The following GRM1 variants were observed in gnomAD, a reference collection of about 807,000 sequenced individuals.
The protein encoded by GRM1 is glutamate metabotropic receptor 1.
Under a neutral mutation model 90.9 loss-of-function variants are expected in GRM1, and 33 were observed. The ratio of observed to expected loss-of-function variants is 0.36; its 90% CI spans 0.28 to 0.49. GRM1 has a LOEUF of 0.49. Ranked by LOEUF, GRM1 falls within the 20% of genes least tolerant of loss-of-function variation. GRM1 has a pLI of 0.99. For missense variants in GRM1, 1,190 were observed against 1,534.3 expected (o/e 0.78, Z 3.75); for synonymous variants, 700 against 613.2 (o/e 1.14, Z -2.09).
chr6:146,402,130 G>A (rs556405822), intron 7 of GRM1, among the ~76,000 whole-genome samples: 1 of 152,304 alleles, frequency 6.6e-6, no homozygotes, highest in South Asian at 2.1e-4. Flanking sequence ...TCAGTAAACT[G>A]TTGAACTATT....
chr6:146,432,212 A>C (rs1425476603), intron 7 of GRM1, among the ~76,000 whole-genome samples: 1 of 152,262 alleles, frequency 6.6e-6, no homozygotes, highest in African/African-American at 2.4e-5. Context: ...ACAATTAAAA[A>C]TGCAGTGTAG....
chr6:146,407,371 T>C (rs562944794), intron 7 of GRM1, among the ~76,000 whole-genome samples: 1 of 152,332 alleles, frequency 6.6e-6, no homozygotes, highest in East Asian at 1.9e-4. Context: ...AAATAGCTAC[T>C]TTTAATACTT....
intron 1 of GRM1, among the ~76,000 whole-genome samples, chr6:146,069,331 TATTAC>T (rs529464438): frequency 2.0e-3 from 304 of 152,278 alleles, no homozygotes; most frequent in African/African-American, 6.0e-3. Flanking sequence ...GCAATGCTCA[TATTAC>T]ATTACATTAC....
intron 3 of GRM1, among the ~76,000 whole-genome samples, chr6:146,321,592 G>A (rs563008876): frequency 6.6e-6 from 1 of 151,976 alleles, no homozygotes; most frequent in East Asian, 1.9e-4. Flanking sequence ...CTATTATTAT[G>A]TGGGAGTCTA....
chr6:146,436,942 A>T lies in GRM1; in HGVS notation c.*2146A>T, dbSNP rs1778612279. The T allele has an allele frequency of 6.6e-6, 1 of 152,608 alleles. No individual in the cohort carries two copies. The highest frequency in any genetic ancestry group is 2.1e-4 in the South Asian group (1 of 4,824). The allele number at this position is 152,608 out of a possible 1,614,324, so 9.5% of individuals were successfully genotyped here. ...TTATATTTCATCATATTCTATTGCCAAGTTTAGTCAGTTCCACACCAAGAA... is the reference window on the plus strand; with the variant it reads ...TTATATTTCATCATATTCTATTGCCTAGTTTAGTCAGTTCCACACCAAGAA... On this transcript the variant is annotated 3_prime_UTR_variant, in exon 8 of 8. Transcript: ENST00000282753.
intron 1 of GRM1, among the ~76,000 whole-genome samples, chr6:146,149,185 T>G (rs1186075143): frequency 6.6e-6 from 1 of 152,154 alleles, no homozygotes; most frequent in Non-Finnish European, 1.5e-5. Context: ...TGACAGAGGC[T>G]GGATATAGAT....
intron 2 of GRM1, among the ~76,000 whole-genome samples, chr6:146,276,529 A>T (rs1310000342): frequency 1.3e-5 from 2 of 152,126 alleles, no homozygotes; most frequent in Non-Finnish European, 2.9e-5. Context: ...TTAGTGCATG[A>T]ATGGTTTTAT....
At chr6:146,226,133 G>A (rs1478942953) in intron 2 of GRM1, among the ~76,000 whole-genome samples, 2 of 152,124 alleles carry the variant, frequency 1.3e-5, no homozygotes, top group Non-Finnish European at 2.9e-5. Flanking sequence ...CTAAGGGATA[G>A]GGATAGGAGA....
chr6:146,031,591 GATATT>G (rs1368281646), intron 1 of GRM1, among the ~76,000 whole-genome samples: 2 of 152,122 alleles, frequency 1.3e-5, no homozygotes, highest in Non-Finnish European at 2.9e-5. Context: ...TATCTGCTGT[GATATT>G]ATAACTTTAT....
At chr6:146,053,661 C>T (rs1268996447) in intron 1 of GRM1, among the ~76,000 whole-genome samples, 1 of 151,974 alleles carries the variant, frequency 6.6e-6, no homozygotes, top group Non-Finnish European at 1.5e-5. Context: ...AGTTCTTGGT[C>T]CAGGGCTCTT....
chr6:146,043,950 A>G (rs531010175), intron 1 of GRM1, among the ~76,000 whole-genome samples: 20 of 151,844 alleles, frequency 1.3e-4, no homozygotes, highest in East Asian at 1.2e-3. Flanking sequence ...TTAATACGCT[A>G]AAGATGAGAA....
chr6:146,085,333 A>G (rs1455297506), intron 1 of GRM1, among the ~76,000 whole-genome samples: 1 of 152,168 alleles, frequency 6.6e-6, no homozygotes, highest in Non-Finnish European at 1.5e-5. Flanking sequence ...TAAATAAATG[A>G]CACAAAACAG....
chr6:146,345,704 G>A (rs1361079160), intron 3 of GRM1, among the ~76,000 whole-genome samples: 1 of 151,678 alleles, frequency 6.6e-6, no homozygotes, highest in Non-Finnish European at 1.5e-5. Context: ...GTGGTGCTAT[G>A]AGCATAGATC....
At chr6:146,384,553 G>C (rs909119629) in intron 5 of GRM1, among the ~76,000 whole-genome samples, 1 of 151,942 alleles carries the variant, frequency 6.6e-6, no homozygotes, top group African/African-American at 2.4e-5. Flanking sequence ...ATTTTAAAAA[G>C]GAAGAAAAAT....
intron 2 of GRM1, among the ~76,000 whole-genome samples, chr6:146,233,491 A>G (rs1298658600): frequency 6.6e-6 from 1 of 152,008 alleles, no homozygotes; most frequent in Non-Finnish European, 1.5e-5. Context: ...ATTTTGGTAG[A>G]TCATGTTTTC....
chr6:146,340,952 C>T lies in GRM1; in HGVS notation c.1187-11298C>T, dbSNP rs362863. Among the ~76,000 whole-genome samples the T allele has an allele frequency of 5.5e-3, 841 of 152,228 alleles. 4 individuals carry two copies. Among genetic ancestry groups the T allele is most frequent in the African/African-American group, 0.019 (787 of 41,536 alleles). ...GGAGGATGCTACAAAACAACAGGCC[C>T]CAAAATAGTAGGGTCCTCTGAATGC... is the stretch of plus-strand genomic sequence containing the variant. On this transcript the variant is annotated intron_variant, in intron 3 of 7. Coordinates refer to ENST00000282753, the MANE Select transcript of GRM1 (RefSeq NM_001278064.2).
chr6:146,414,259 A>G (rs1777680083), intron 7 of GRM1, among the ~76,000 whole-genome samples: 1 of 151,860 alleles, frequency 6.6e-6, no homozygotes, highest in Non-Finnish European at 1.5e-5. Flanking sequence ...TTCCATTTGC[A>G]TTTTCCTGAT....
intron 3 of GRM1, among the ~76,000 whole-genome samples, chr6:146,324,244 C>T (rs1310604011): frequency 6.6e-6 from 1 of 152,084 alleles, no homozygotes. Context: ...CCCCTCCACC[C>T]ACCAAGGTCT....
At position 146,255,093 on chromosome 6, in the gene GRM1, T is replaced by C. The variant is rs144900405; in HGVS notation, c.951-49518T>C. 5.9e-5 allele frequency among the ~76,000 whole-genome samples: 9 copies of C among 152,322 alleles called. No individual in the cohort carries two copies. The East Asian group carries it at 1.5e-3, about 26-fold the overall frequency. On this transcript the variant is annotated intron_variant, in intron 2 of 7. Transcript: ENST00000282753. ...CTACAACCGCCTTCTTGAAATATCA[T>C]AGTTTTCTGCTCTGCACACAAACAT...
Sources: allele counts gnomAD v4.1 joint callset (sites outside exome capture counted in the v4.1 genomes callset), GRCh38; gene constraint gnomAD v4.1.1; transcripts MANE v1.5; gene names NCBI Gene and HGNC (gene_info 2026-07-23, HGNC 2026-07-21).